CCDC3: variants seen among roughly 807,000 people sequenced by gnomAD.
The protein encoded by CCDC3 is coiled-coil domain containing 3.
CCDC3 carries 24 observed loss-of-function variants against 21.4 expected under a neutral mutation model. The observed-to-expected ratio is 1.12, with a 90% CI of 0.81 to 1.58. The LOEUF is 1.58. Among genes scored for constraint, CCDC3 ranks in the 40% most tolerant of loss-of-function variants. The pLI, the probability that CCDC3 is intolerant of heterozygous loss-of-function variation, is 0.00. For missense variants in CCDC3, 425 were observed against 360.9 expected (o/e 1.18, Z -1.44); for synonymous variants, 186 against 166.0 (o/e 1.12, Z -0.93).
chr10:12,991,019 CT>C (rs750232056), intron 2 of CCDC3, among the ~76,000 whole-genome samples: 12 of 152,254 alleles, frequency 7.9e-5, no homozygotes, highest in Non-Finnish European at 1.8e-4. Flanking sequence ...ATAAGCTACA[CT>C]TCTCCATCTC....
chr10:12,952,657 G>A (rs1043628041), intron 2 of CCDC3, among the ~76,000 whole-genome samples: 1 of 152,094 alleles, frequency 6.6e-6, no homozygotes, highest in Non-Finnish European at 1.5e-5. Flanking sequence ...AGGTGCATGT[G>A]GCTATTTTAT....
intron 2 of CCDC3, among the ~76,000 whole-genome samples, chr10:12,970,767 T>C (rs1293451526): frequency 6.6e-6 from 1 of 151,752 alleles, no homozygotes; most frequent in Non-Finnish European, 1.5e-5. Context: ...ACACCTGAAA[T>C]CCCAGCTACT....
intron 5 of CCDC3, among the ~76,000 whole-genome samples, chr10:13,036,734 T>C (rs1837457): frequency 0.24 from 37,084 of 151,856 alleles, 4,674 homozygotes; most frequent in Middle Eastern, 0.33. Flanking sequence ...ATCTGCCCAC[T>C]TTGGCCTCCC....
chr10:12,921,359 A>G (rs552691635), intron 2 of CCDC3, among the ~76,000 whole-genome samples: 2 of 152,278 alleles, frequency 1.3e-5, no homozygotes, highest in East Asian at 3.9e-4. Flanking sequence ...CTGTCTGTGT[A>G]CGTCTGTGGG....
At chr10:13,051,785 A>C (rs1017935294) in intron 4 of CCDC3, among the ~76,000 whole-genome samples, 2 of 151,990 alleles carry the variant, frequency 1.3e-5, no homozygotes, top group African/African-American at 4.8e-5. Flanking sequence ...AGTGAAGGGA[A>C]GGGGCATGGA....
At chr10:12,907,076 A>G (rs1834184312) in intron 2 of CCDC3, among the ~76,000 whole-genome samples, 1 of 152,026 alleles carries the variant, frequency 6.6e-6, no homozygotes, top group Non-Finnish European at 1.5e-5. Context: ...TCCTGGTTCC[A>G]TTGTCAAGTT....
In CCDC3 at chr10:12,975,079, G is replaced by C. The variant is rs565964900; in HGVS notation, c.549+23259C>G. On this transcript the variant is annotated intron_variant, in intron 2 of 2. Transcript: ENST00000378825. The stretch of plus-strand genomic sequence containing the variant: ...TGGCAAAGCCAGGAGTCTCGTCCAT[G>C]CCAAACTCACGCCGCTCTAGTCACT... Among the ~76,000 whole-genome samples the C allele has an allele frequency of 5.5e-3, 843 of 152,278 alleles. 4 individuals carry two copies. Among genetic ancestry groups the C allele is most frequent in the African/African-American group, 0.019 (786 of 41,546 alleles).
intron 2 of CCDC3, among the ~76,000 whole-genome samples, chr10:12,914,547 C>T (rs531380692): frequency 2.0e-5 from 3 of 152,128 alleles, no homozygotes; most frequent in South Asian, 2.1e-4. Flanking sequence ...CTGGGTCAAG[C>T]GATTCGCCTG....
chr10:13,065,303 T>C (rs565143576), intron 4 of CCDC3, among the ~76,000 whole-genome samples: 19 of 152,272 alleles, frequency 1.2e-4, no homozygotes, highest in African/African-American at 4.3e-4. Context: ...CTGGATGAAA[T>C]AGATATGGAC....
intron 4 of CCDC3, among the ~76,000 whole-genome samples, chr10:13,070,584 C>T (rs1836870245): frequency 1.3e-5 from 2 of 152,120 alleles, no homozygotes; most frequent in African/African-American, 4.8e-5. Flanking sequence ...GACCCAGGGA[C>T]CATATCTCTT....
intron 5 of CCDC3, among the ~76,000 whole-genome samples, chr10:13,023,557 C>T (rs1836175395): frequency 6.6e-6 from 1 of 152,144 alleles, no homozygotes; most frequent in South Asian, 2.1e-4. Context: ...ACCACTCTTG[C>T]TAACGTCCCG....
intron 3 of CCDC3, among the ~76,000 whole-genome samples, chr10:13,086,736 G>A (rs556392896): frequency 2.0e-5 from 3 of 152,258 alleles, no homozygotes; most frequent in East Asian, 3.9e-4. Flanking sequence ...ATGAGCCCCC[G>A]CGCCCGGCCT....
At chr10:13,048,968 G>A (rs905864934) in intron 5 of CCDC3, among the ~76,000 whole-genome samples, 14 of 152,050 alleles carry the variant, frequency 9.2e-5, no homozygotes, top group African/African-American at 3.1e-4. Context: ...ACATAGTCAT[G>A]ATGAAGATGA....
intron 5 of CCDC3, among the ~76,000 whole-genome samples, chr10:13,018,276 T>C (rs1309212146): frequency 6.6e-6 from 1 of 151,976 alleles, no homozygotes; most frequent in East Asian, 1.9e-4. Context: ...ACAAAGTTCT[T>C]GGGGTGGAGG....
chr10:13,055,700 C>T (rs1836673413), intron 4 of CCDC3, among the ~76,000 whole-genome samples: 1 of 152,168 alleles, frequency 6.6e-6, no homozygotes, highest in African/African-American at 2.4e-5. Flanking sequence ...ATGAATAGTT[C>T]TTATTACGGT....
rs551982549 is a variant in CCDC3 at position 12,898,581 on chromosome 10, C to T, written c.648G>A (p.Gln216=). ...KVATLEKRNR[Q]LRERVKKVKR... is the part of the protein sequence containing the mutation. The stretch of plus-strand genomic sequence containing the variant: ...TGACCTTCTTCACTCGCTCCCGGAG[C>T]TGCCGGTTGCGCTTCTCCAGGGTGG... Residue 216 remains glutamine, a synonymous_variant, in exon 3 of 3, where the codon CAG becomes CAA. Coordinates refer to ENST00000378825, the MANE Select transcript of CCDC3 (RefSeq NM_031455.4). 1 of 1,614,132 alleles carries T rather than the reference C, an allele frequency of 6.2e-7. No homozygotes were observed. The highest frequency in any genetic ancestry group is 8.5e-7 in the Non-Finnish European group (1 of 1,180,050).
chr10:12,956,607 T>A (rs1416106204), intron 2 of CCDC3, among the ~76,000 whole-genome samples: 2 of 152,246 alleles, frequency 1.3e-5, no homozygotes, highest in East Asian at 1.9e-4. Flanking sequence ...TCTGTTGGCT[T>A]GGTTTATCCC....
At chr10:12,990,108 C>T (rs1247800158) in intron 2 of CCDC3, among the ~76,000 whole-genome samples, 2 of 151,750 alleles carry the variant, frequency 1.3e-5, no homozygotes, top group East Asian at 1.9e-4. Context: ...AAAAATTAGC[C>T]GGGCGTGGTG....
chr10:12,919,768 G>A (rs780787289), intron 2 of CCDC3, among the ~76,000 whole-genome samples: 3 of 152,102 alleles, frequency 2.0e-5, no homozygotes, highest in Admixed American at 6.5e-5. Flanking sequence ...GGGGGTGGGC[G>A]TTAGCCCGAG....
Sources: gnomAD v4.1 joint callset for allele counts (sites outside exome capture counted in the v4.1 genomes callset) on GRCh38, gnomAD v4.1.1 for gene constraint, MANE v1.5 for transcripts, NCBI Gene and HGNC (gene_info 2026-07-23, HGNC 2026-07-21) for gene names.